The following CDK14 variants were observed in gnomAD, a reference collection of about 807,000 sequenced individuals.
The protein encoded by CDK14 is cyclin dependent kinase 14.
Under a neutral mutation model 60.7 loss-of-function variants are expected in CDK14, and 34 were observed. The ratio of observed to expected loss-of-function variants is 0.56; its 90% CI spans 0.43 to 0.75. CDK14 has a LOEUF of 0.75. Ranked by LOEUF, CDK14 falls within the 30% of genes least tolerant of loss-of-function variation. The probability of loss-of-function intolerance (pLI) is 0.00; values close to 1 mark genes in which losing one functional copy is unlikely to be tolerated. For synonymous variants in CDK14, 197 were observed against 203.7 expected, an observed-to-expected ratio of 0.97 and a Z score of 0.28; for missense variants, 482 against 564.1, an observed-to-expected ratio of 0.85 and a Z score of 1.47.
At chr7:91,077,867 C>A in intron 11 of CDK14, among the ~76,000 whole-genome samples, 1 of 151,232 alleles carries the variant, frequency 6.6e-6, no homozygotes. Flanking sequence ...ACCAAGAATC[C>A]AATATTAAAT....
At chr7:90,709,917 G>A in intron 2 of CDK14, 9 of 1,185,564 alleles carry the variant, frequency 7.6e-6, no homozygotes, top group Non-Finnish European at 9.5e-6. Context: ...ATGTTAAAGA[G>A]TTCCAGGTGA....
Position 90,612,079 on chromosome 7 carries a change from C to T in CDK14, c.123+7830C>T, listed in dbSNP as rs567187534. ...AACTCCAGACCTCAGGTGATCCACCCGTCTTGGCCTCCCAAAGTGCTGGGA... is the reference window on the plus strand; with the variant it reads ...AACTCCAGACCTCAGGTGATCCACCTGTCTTGGCCTCCCAAAGTGCTGGGA... On this transcript the variant is annotated intron_variant, in intron 2 of 14. Transcript: ENST00000380050. 5.3e-5 allele frequency among the ~76,000 whole-genome samples: 8 copies of T among 152,202 alleles called. No individual in the cohort carries two copies. In the East Asian group the frequency reaches 1.2e-3, roughly 22 times the overall value.
chr7:90,731,224 G>A (rs1379798304), intron 3 of CDK14, among the ~76,000 whole-genome samples: 1 of 152,124 alleles, frequency 6.6e-6, no homozygotes, highest in African/African-American at 2.4e-5. Context: ...ATCTGTTTTT[G>A]TACCAGTACC....
chr7:90,646,596 A>G (rs1422207184), intron 2 of CDK14, among the ~76,000 whole-genome samples: 2 of 152,312 alleles, frequency 1.3e-5, no homozygotes. Context: ...ATAACTATGA[A>G]CAGCATTTTA....
rs779939026 is a variant in CDK14 at position 90,863,175 on chromosome 7, C to T, written c.545C>T (p.Ala182Val). 4 of 1,573,894 alleles carry T rather than the reference C, an allele frequency of 2.5e-6. No homozygotes were observed. Among genetic ancestry groups the T allele is most frequent in the South Asian group, 1.1e-5 (1 of 88,046 alleles). Residue 182 changes from alanine (A) to valine (V), a missense_variant and splice_region_variant, in exon 6 of 15, where the codon GCT (alanine) becomes GTT (valine). Ala to Val is a moderately conservative substitution (Grantham distance 64). Coordinates refer to ENST00000380050, the MANE Select transcript of CDK14 (RefSeq NM_001287135.2). ...TTTCTCTGTCCATTTTGTTTTACAG[C>T]TTCTCTTTTAAAAGGACTAAAACAT... Reference protein sequence around the residue: ...EGTPFTAIREASLLKGLKHAN... With the variant: ...EGTPFTAIREVSLLKGLKHAN...
intron 10 of CDK14, among the ~76,000 whole-genome samples, chr7:90,991,876 T>G (rs1021888883): frequency 6.6e-6 from 1 of 152,176 alleles, no homozygotes; most frequent in African/African-American, 2.4e-5. Context: ...CTGCTTCTAT[T>G]AAGATTTTGC....
At chr7:90,811,014 T>G (rs1044774461) in intron 5 of CDK14, among the ~76,000 whole-genome samples, 3 of 152,170 alleles carry the variant, frequency 2.0e-5, no homozygotes, top group Non-Finnish European at 4.4e-5. Flanking sequence ...ATAGGAAGAA[T>G]CAATATCGTG....
intron 5 of CDK14, among the ~76,000 whole-genome samples, chr7:90,807,892 A>C (rs1336812695): frequency 6.6e-6 from 1 of 152,212 alleles, no homozygotes; most frequent in Admixed American, 6.5e-5. Flanking sequence ...GAATGAAATT[A>C]AGTGAGAAGA....
intron 7 of CDK14, among the ~76,000 whole-genome samples, chr7:90,907,283 A>G (rs1425089939): frequency 6.6e-6 from 1 of 152,002 alleles, no homozygotes; most frequent in Non-Finnish European, 1.5e-5. Flanking sequence ...ATCATAGTTG[A>G]ATATAGAACT....
chr7:90,815,563 C>G (rs562144005), intron 5 of CDK14, among the ~76,000 whole-genome samples: 192 of 144,212 alleles, frequency 1.3e-3, no homozygotes, highest in African/African-American at 4.7e-3. Context: ...AGTCCCATTA[C>G]TGGGTATATA....
chr7:91,041,427 A>G (rs964273686), intron 10 of CDK14, among the ~76,000 whole-genome samples: 1 of 152,136 alleles, frequency 6.6e-6, no homozygotes, highest in African/African-American at 2.4e-5. Flanking sequence ...CATTTAATAG[A>G]TCCAGAATGA....
At chr7:90,966,341 G>C (rs1366544386) in intron 9 of CDK14, among the ~76,000 whole-genome samples, 1 of 152,062 alleles carries the variant, frequency 6.6e-6, no homozygotes, top group East Asian at 1.9e-4. Context: ...TATACATTAA[G>C]CACTATAAAT....
chr7:90,640,265 C>T lies in CDK14; in HGVS notation c.123+36016C>T, dbSNP rs191499131. Reference sequence around the variant, plus strand: ...CTGTTCCTATTCGGCCATCTTGGCTCCTCCCTCTCTTCCTTATGTTTAATA... The same window carrying T: ...CTGTTCCTATTCGGCCATCTTGGCTTCTCCCTCTCTTCCTTATGTTTAATA... On this transcript the variant is annotated intron_variant, in intron 2 of 14. Coordinates refer to ENST00000380050, the MANE Select transcript of CDK14 (RefSeq NM_001287135.2). Among the ~76,000 whole-genome samples, 11 of 152,158 alleles carry T rather than the reference C, an allele frequency of 7.2e-5. No individual in the cohort carries two copies. In the East Asian group the frequency reaches 1.4e-3, roughly 19 times the overall value.
At chr7:90,625,379 A>T (rs1248281461) in intron 2 of CDK14, among the ~76,000 whole-genome samples, 1 of 152,174 alleles carries the variant, frequency 6.6e-6, no homozygotes, top group Non-Finnish European at 1.5e-5. Context: ...TTACGGTAGT[A>T]CCTGCCATGT....
intron 2 of CDK14, among the ~76,000 whole-genome samples, chr7:90,715,215 A>T (rs1456072485): frequency 6.6e-6 from 1 of 152,046 alleles, no homozygotes; most frequent in Non-Finnish European, 1.5e-5. Flanking sequence ...GTTTAGTGAA[A>T]CTCAAAAGTG....
At chr7:91,110,045 T>A (rs531028167) in intron 12 of CDK14, among the ~76,000 whole-genome samples, 1 of 152,086 alleles carries the variant, frequency 6.6e-6, no homozygotes, top group Non-Finnish European at 1.5e-5. Flanking sequence ...ATTCTAACAA[T>A]CTGATAATGT....
chr7:90,922,209 G>A (rs1045946735), intron 8 of CDK14, among the ~76,000 whole-genome samples: 5 of 152,116 alleles, frequency 3.3e-5, no homozygotes, highest in Non-Finnish European at 7.4e-5. Context: ...TGGCCTGCCG[G>A]ATTCAATTTT....
intron 8 of CDK14, among the ~76,000 whole-genome samples, chr7:90,937,827 A>G (rs926448806): frequency 6.6e-6 from 1 of 152,204 alleles, no homozygotes; most frequent in African/African-American, 2.4e-5. Flanking sequence ...CTTACTAATA[A>G]CCAATGAGCT....
intron 12 of CDK14, among the ~76,000 whole-genome samples, chr7:91,097,929 T>G (rs1799042472): frequency 6.6e-6 from 1 of 152,148 alleles, no homozygotes; most frequent in Non-Finnish European, 1.5e-5. Flanking sequence ...TGGGAAGAGA[T>G]GAGATCATTC....
Sources: allele counts gnomAD v4.1 joint callset (sites outside exome capture counted in the v4.1 genomes callset), GRCh38; gene constraint gnomAD v4.1.1; transcripts MANE v1.5; gene names NCBI Gene and HGNC (gene_info 2026-07-23, HGNC 2026-07-21).